The following RBFOX1 variants were observed in gnomAD, a reference collection of about 807,000 sequenced individuals.
RBFOX1 encodes RNA binding fox-1 homolog 1, also known as RNA binding protein fox-1 homolog 1.
In RBFOX1, 8 loss-of-function variants were observed where a neutral mutation model predicts 57.7. The ratio of observed to expected loss-of-function variants is 0.14; its 90% CI spans 0.08 to 0.25. RBFOX1 has a LOEUF of 0.25. Among genes scored for constraint, RBFOX1 ranks in the 10% least tolerant of loss-of-function variants. RBFOX1 has a pLI of 1.00. For synonymous variants in RBFOX1, 326 were observed against 222.4 expected (o/e 1.47, Z -4.15); for missense variants, 611 against 548.5 (o/e 1.11, Z -1.14).
At chr16:7,144,447 G>A (rs773695668) in intron 4 of RBFOX1, among the ~76,000 whole-genome samples, 2 of 64,964 alleles carry the variant, frequency 3.1e-5, no homozygotes, top group African/African-American at 1.1e-4. Flanking sequence ...TTGAGTCAGG[G>A]CCCCTCTGTT....
At chr16:6,204,449 C>G (rs1010902833) in intron 1 of RBFOX1, among the ~76,000 whole-genome samples, 1 of 152,090 alleles carries the variant, frequency 6.6e-6, no homozygotes, top group Non-Finnish European at 1.5e-5. Flanking sequence ...ACTTGCTAGG[C>G]ACTTGGGAGA....
intron 14 of RBFOX1, among the ~76,000 whole-genome samples, chr16:7,707,506 C>G (rs1318338908): frequency 6.6e-6 from 1 of 152,108 alleles, no homozygotes; most frequent in East Asian, 1.9e-4. Context: ...CAGCCTTGTT[C>G]CTTCATTCAG....
At chr16:7,098,645 G>C (rs1460531309) in intron 4 of RBFOX1, among the ~76,000 whole-genome samples, 1 of 152,108 alleles carries the variant, frequency 6.6e-6, no homozygotes, top group Non-Finnish European at 1.5e-5. Flanking sequence ...TAGGACATTA[G>C]AGTGGTTAAA....
Position 6,246,893 on chromosome 16 carries a change from A to T in RBFOX1, c.-126-70102A>T, listed in dbSNP as rs535722021. ...AGACCAGCCTGGCCAACATGGTGAA[A>T]CCCTGTCTCTACTAAAAATGCCTAA... On this transcript the variant is annotated intron_variant, in intron 1 of 15. Transcript: ENST00000550418. Among the ~76,000 whole-genome samples, 11 of 152,224 alleles carry T rather than the reference A, an allele frequency of 7.2e-5. No homozygotes were observed. The South Asian group carries it at 2.1e-3, about 29-fold the overall frequency.
intron 2 of RBFOX1, among the ~76,000 whole-genome samples, chr16:6,576,689 G>C (rs1389877745): frequency 6.6e-6 from 1 of 152,088 alleles, no homozygotes; most frequent in Non-Finnish European, 1.5e-5. Flanking sequence ...GTCAAACTAT[G>C]TGGAAGGATA....
At chr16:5,481,072 T>G (rs759510612) in intron 2 of RBFOX1, among the ~76,000 whole-genome samples, 1 of 152,230 alleles carries the variant, frequency 6.6e-6, no homozygotes, top group Non-Finnish European at 1.5e-5. Flanking sequence ...GCTCTAAAAA[T>G]ACTCCGACTC....
At chr16:7,119,543 T>A (rs536391183) in intron 4 of RBFOX1, among the ~76,000 whole-genome samples, 1 of 152,192 alleles carries the variant, frequency 6.6e-6, no homozygotes, top group South Asian at 2.1e-4. Context: ...TTCACTTAGA[T>A]ATGTTTCACT....
chr16:6,619,494 C>T (rs1445705797), intron 2 of RBFOX1, among the ~76,000 whole-genome samples: 1 of 152,076 alleles, frequency 6.6e-6, no homozygotes, highest in Non-Finnish European at 1.5e-5. Context: ...TCTCATTAAA[C>T]TTATGCCTTT....
At chr16:7,165,107 G>C (rs762025351) in intron 4 of RBFOX1, among the ~76,000 whole-genome samples, 8 of 152,170 alleles carry the variant, frequency 5.3e-5, no homozygotes, top group Non-Finnish European at 1.2e-4. Context: ...ATGCAATCCT[G>C]TCAGTAGTCA....
rs929536912 is a variant in RBFOX1 at position 7,014,914 on chromosome 16, G to A, written c.-15-37143G>A. Among the ~76,000 whole-genome samples the A allele has an allele frequency of 3.6e-4, 54 of 151,732 alleles. 1 individual carries two copies. The highest frequency in any genetic ancestry group is 7.4e-5 in the Non-Finnish European group (5 of 67,908). On this transcript the variant is annotated intron_variant, in intron 3 of 15. Transcript: ENST00000550418. ...TAATTTTTTTGTATTTTTACTAGAG[G>A]CACTTTTGAACATATTGGCCAGGCT...
rs1029952133 is a variant in RBFOX1, at chr16:6,650,864, C to G, written c.-63-3739C>G. Among the ~76,000 whole-genome samples, 4 of 152,120 alleles carry G rather than the reference C, an allele frequency of 2.6e-5. No homozygotes were observed. In the East Asian group the frequency reaches 5.8e-4, roughly 22 times the overall value. Reference sequence around the variant, plus strand: ...AAATCAACATTTCTGTAGACTTAACCACAATGGAGTCCCTAATGTTTTTTG... The same window carrying G: ...AAATCAACATTTCTGTAGACTTAACGACAATGGAGTCCCTAATGTTTTTTG... On this transcript the variant is annotated intron_variant, in intron 2 of 15. Coordinates refer to ENST00000550418, the MANE Select transcript of RBFOX1 (RefSeq NM_018723.4).
intron 3 of RBFOX1, among the ~76,000 whole-genome samples, chr16:6,769,020 C>A (rs1221522865): frequency 2.0e-5 from 3 of 152,162 alleles, no homozygotes; most frequent in Non-Finnish European, 4.4e-5. Flanking sequence ...AGCCACTGCG[C>A]CCAGCCAATA....
At chr16:5,388,831 C>G (rs2066325291) in intron 1 of RBFOX1, among the ~76,000 whole-genome samples, 1 of 151,826 alleles carries the variant, frequency 6.6e-6, no homozygotes, top group Admixed American at 6.6e-5. Flanking sequence ...CCCACCTCAG[C>G]CTCCCAAAGT....
intron 14 of RBFOX1, among the ~76,000 whole-genome samples, chr16:7,708,822 G>GTGTGTACA (rs1555811524): frequency 1.3e-5 from 2 of 151,830 alleles, no homozygotes; most frequent in Non-Finnish European, 2.9e-5. Context: ...ATGTAAGTAC[G>GTGTGTACA]TGTGTATATA....
intron 1 of RBFOX1, among the ~76,000 whole-genome samples, chr16:5,318,305 T>A (rs185206087): frequency 7.1e-4 from 108 of 152,192 alleles, no homozygotes; most frequent in African/African-American, 2.6e-3. Flanking sequence ...ATTTTTGTAT[T>A]TTTAGTAGAA....
chr16:7,496,903 T>C (rs7197510), intron 4 of RBFOX1, among the ~76,000 whole-genome samples: 115,639 of 152,054 alleles, frequency 0.76, 44,022 homozygotes, highest in South Asian at 0.82. Context: ...AGGATTAGAG[T>C]CATTGGTACC....
At chr16:7,340,523 T>A (rs956432427) in intron 4 of RBFOX1, among the ~76,000 whole-genome samples, 1 of 152,210 alleles carries the variant, frequency 6.6e-6, no homozygotes, top group African/African-American at 2.4e-5. Flanking sequence ...CCAACTCTTT[T>A]TACAGACTAG....
intron 2 of RBFOX1, among the ~76,000 whole-genome samples, chr16:5,479,758 C>G (rs2069459646): frequency 6.6e-6 from 1 of 151,742 alleles, no homozygotes; most frequent in South Asian, 2.1e-4. Context: ...ATCCCCGCCC[C>G]TCACCCCCCG....
intron 3 of RBFOX1, among the ~76,000 whole-genome samples, chr16:6,729,195 G>A (rs1207177618): frequency 6.6e-6 from 1 of 152,032 alleles, no homozygotes. Flanking sequence ...AGACTTACCT[G>A]GGAGATATAT....
Sources: gnomAD v4.1 joint callset for allele counts (sites outside exome capture counted in the v4.1 genomes callset) on GRCh38, gnomAD v4.1.1 for gene constraint, MANE v1.5 for transcripts, NCBI Gene and HGNC (gene_info 2026-07-23, HGNC 2026-07-21) for gene names.